Variants in CATSPERT observed in about 807,000 individuals in gnomAD.
CATSPERT encodes the protein catsper channel auxiliary subunit tau, also known as cation channel sperm-associated targeting subunit tau.
chr2:201,558,259 G>A, the CATSPERT span: 1 of 152,170 alleles, frequency 6.6e-6, no homozygotes, highest in Non-Finnish European at 1.5e-5. Context: ...ATCTACAACT[G>A]TCTTAGTATT....
At chr2:201,535,999 T>C in the CATSPERT span, 1 of 1,612,142 alleles carries the variant, frequency 6.2e-7, no homozygotes, top group South Asian at 1.1e-5. Context: ...TTTGGATTTA[T>C]ACAGATACTC....
the CATSPERT span, among the ~76,000 whole-genome samples, chr2:201,614,933 C>T: frequency 2.0e-5 from 3 of 152,140 alleles, no homozygotes; most frequent in East Asian, 1.9e-4. Flanking sequence ...AAACAGACTT[C>T]AAACCAACAA....
At chr2:201,581,747 T>C in the CATSPERT span, among the ~76,000 whole-genome samples, 2 of 150,766 alleles carry the variant, frequency 1.3e-5, no homozygotes, top group Non-Finnish European at 3.0e-5. Context: ...TAGCTGGGAT[T>C]ACAGGCATGG....
At chr2:201,520,860 G>A in the CATSPERT span, among the ~76,000 whole-genome samples, 1 of 147,320 alleles carries the variant, frequency 6.8e-6, no homozygotes, top group Non-Finnish European at 1.5e-5. Flanking sequence ...CTGCACTCCA[G>A]TCTGGGCAAC....
At chr2:201,565,118 A>G in the CATSPERT span, among the ~76,000 whole-genome samples, 2 of 148,996 alleles carry the variant, frequency 1.3e-5, no homozygotes, top group African/African-American at 2.5e-5. Context: ...GAAAAAAAAA[A>G]GCACGAGACC....
the CATSPERT span, among the ~76,000 whole-genome samples, chr2:201,589,918 C>A: frequency 6.6e-6 from 1 of 152,074 alleles, no homozygotes; most frequent in Non-Finnish European, 1.5e-5. Context: ...AAGAAAAAAA[C>A]AAACAACCCC....
chr2:201,555,912 T>G, the CATSPERT span: 1 of 152,168 alleles, frequency 6.6e-6, no homozygotes, highest in African/African-American at 2.4e-5. Context: ...TGCATATTAA[T>G]TACAATGCAA....
the CATSPERT span, chr2:201,535,305 T>C: frequency 1.0e-6 from 1 of 985,004 alleles, no homozygotes; most frequent in Non-Finnish European, 1.2e-6. Flanking sequence ...ATTCTTTATC[T>C]TCTGACCTAT....
chr2:201,581,589 T>C, the CATSPERT span, among the ~76,000 whole-genome samples: 7,515 of 59,302 alleles, frequency 0.13, 1,562 homozygotes, highest in East Asian at 0.21. Flanking sequence ...TATATATATA[T>C]ATATACACAT....
chr2:201,563,388 C>G, the CATSPERT span, among the ~76,000 whole-genome samples: 1 of 130,018 alleles, frequency 7.7e-6, no homozygotes, highest in African/African-American at 2.9e-5. Context: ...CACCTCCCTC[C>G]CGGACGGGGC....
chr2:201,534,592 G>A, the CATSPERT span: 1 of 983,184 alleles, frequency 1.0e-6, no homozygotes, highest in Admixed American at 6.2e-5. Context: ...CTCATAGCAG[G>A]GAAAACCAAA....
chr2:201,614,423 G>T, the CATSPERT span, among the ~76,000 whole-genome samples: 1 of 152,176 alleles, frequency 6.6e-6, no homozygotes. Context: ...TTAAAGAAAA[G>T]AATTTTCAAC....
At chr2:201,543,406 A>G in the CATSPERT span, among the ~76,000 whole-genome samples, 1 of 152,332 alleles carries the variant, frequency 6.6e-6, no homozygotes, top group Non-Finnish European at 1.5e-5. Flanking sequence ...GAATTTTGAT[A>G]GAGATTGCAC....
At chr2:201,602,029 A>C in the CATSPERT span, 1 of 589,186 alleles carries the variant, frequency 1.7e-6, no homozygotes, top group African/African-American at 1.9e-5. Context: ...ATTCTAAAAT[A>C]GTATTTTTGC....
At chr2:201,487,964 T>C in the CATSPERT span, 1 of 1,346,960 alleles carries the variant, frequency 7.4e-7, no homozygotes, top group South Asian at 1.5e-5. Context: ...GGTTTTAAAT[T>C]TACAAGGACT....
At chr2:201,563,350 G>A in the CATSPERT span, among the ~76,000 whole-genome samples, 5 of 138,564 alleles carry the variant, frequency 3.6e-5, no homozygotes, top group Non-Finnish European at 6.3e-5. Context: ...GGACTGGGCG[G>A]CTGGCCGGGC....
the CATSPERT span, among the ~76,000 whole-genome samples, chr2:201,528,850 C>G: frequency 6.6e-6 from 1 of 151,886 alleles, no homozygotes; most frequent in Non-Finnish European, 1.5e-5. Context: ...TACACTAAGC[C>G]CCAGAGACAT....
the CATSPERT span, among the ~76,000 whole-genome samples, chr2:201,579,184 A>G: frequency 2.6e-5 from 4 of 152,264 alleles, no homozygotes; most frequent in South Asian, 8.3e-4. Flanking sequence ...TTTTTCTAAT[A>G]TTCAGTAAAT....
At chr2:201,522,031 C>T in the CATSPERT span, among the ~76,000 whole-genome samples, 1 of 152,084 alleles carries the variant, frequency 6.6e-6, no homozygotes, top group Non-Finnish European at 1.5e-5. Context: ...ACAATAAAGG[C>T]CATACATGAC....
Sources: gnomAD v4.1 joint callset for allele counts (sites outside exome capture counted in the v4.1 genomes callset) on GRCh38, gnomAD v4.1.1 for gene constraint, MANE v1.5 for transcripts, NCBI Gene and HGNC (gene_info 2026-07-23, HGNC 2026-07-21) for gene names.